Variants in MAP3K2 observed in about 807,000 individuals in gnomAD.
MAP3K2 encodes MAP/ERK kinase kinase 2.
In MAP3K2, 24 loss-of-function variants were observed where a neutral mutation model predicts 80.3. That is an observed-to-expected ratio of 0.30 (90% CI 0.22 to 0.42). The LOEUF is 0.42. Ranked by LOEUF, MAP3K2 falls within the 10% of genes least tolerant of loss-of-function variation. MAP3K2 has a pLI of 1.00. For synonymous variants in MAP3K2, 244 were observed against 253.7 expected, an observed-to-expected ratio of 0.96 and a Z score of 0.36; for missense variants, 608 against 750.1, an observed-to-expected ratio of 0.81 and a Z score of 2.21.
chr2:127,329,829 A>T (rs575079017), intron 7 of MAP3K2, 92 bp downstream of exon 7: 2 of 710,000 alleles, frequency 2.8e-6, no homozygotes, highest in African/African-American at 3.6e-5. Context: ...AATATTATTT[A>T]TCAGGAATAT....
At chr2:127,357,142 G>A (rs1411069884) in intron 1 of MAP3K2, among the ~76,000 whole-genome samples, 1 of 152,156 alleles carries the variant, frequency 6.6e-6, no homozygotes, top group Non-Finnish European at 1.5e-5. Context: ...AGAAAAGAAT[G>A]CTAAGAGAAA....
Position 127,368,822 on chromosome 2 carries a change from G to A in MAP3K2, c.-66+18630C>T, listed in dbSNP as rs1226731532. Among the ~76,000 whole-genome samples, 5 of 151,632 alleles carry A rather than the reference G, an allele frequency of 3.3e-5. No homozygotes were observed. In the East Asian group the frequency reaches 9.7e-4, roughly 29 times the overall value. On this transcript the variant is annotated intron_variant, in intron 1 of 16. Transcript: ENST00000682094. ...GATGAGGTCTTGTGATGTTGCCCAGGTTGGCCTCGACCTCTTGGGCTTAAA... is the reference window on the plus strand; with the variant it reads ...GATGAGGTCTTGTGATGTTGCCCAGATTGGCCTCGACCTCTTGGGCTTAAA...
At position 127,321,033 on chromosome 2, in the gene MAP3K2, T is replaced by C. The variant is rs531012456; in HGVS notation, c.1045+1013A>G. On this transcript the variant is annotated intron_variant, in intron 12 of 16. Coordinates refer to ENST00000682094, the MANE Select transcript of MAP3K2 (RefSeq NM_001371910.2). This position sits in a 1 kb window ranked among gnomAD's most constrained non-coding sequence, Gnocchi z 4.4. ...TACTTGGGAGTTTGAAGTGGGAGGATTGCTTGAGCCCAGAAGGCAGAGGTT... is the reference window on the plus strand; with the variant it reads ...TACTTGGGAGTTTGAAGTGGGAGGACTGCTTGAGCCCAGAAGGCAGAGGTT... Among the ~76,000 whole-genome samples, 12 of 152,246 alleles carry C rather than the reference T, an allele frequency of 7.9e-5. No homozygotes were observed. The highest frequency in any genetic ancestry group is 1.3e-4 in the Admixed American group (2 of 15,296).
intron 1 of MAP3K2, among the ~76,000 whole-genome samples, chr2:127,350,934 G>C (rs752739463): frequency 6.6e-6 from 1 of 152,002 alleles, no homozygotes; most frequent in Non-Finnish European, 1.5e-5. Flanking sequence ...ACACTGAGAA[G>C]AATACCACAT....
chr2:127,334,202 A>C (rs902910215), intron 5 of MAP3K2, among the ~76,000 whole-genome samples: 34 of 152,186 alleles, frequency 2.2e-4, no homozygotes, highest in African/African-American at 4.6e-4. Flanking sequence ...TAAAAAAAAA[A>C]CCAGCAATTC....
At chr2:127,381,903 TAAACAATGCTATGACGGGGGGAGGGGG>T (rs60362188) in intron 1 of MAP3K2, among the ~76,000 whole-genome samples, 57,234 of 145,290 alleles carry the variant, frequency 0.39, 11,498 homozygotes, top group East Asian at 0.63. Flanking sequence ...AGGAACAAGC[TAAACAATGCTATGACGGGGGGAGGGGG>T]GTGGAATCTG....
chr2:127,317,709 C>A lies in MAP3K2; in HGVS notation c.1246G>T (p.Glu416Ter). Reference protein sequence around the residue: ...EIQLLKNLLHERIVQYYGCLR... With the variant: ...EIQLLKNLLH ...CAGCCATAATACTGAACAATTCGCT[C>A]ATGTAGCAAGTTTTTCAGCAACTGA... is the stretch of plus-strand genomic sequence containing the variant. Residue 416 changes from glutamate (E) to a stop codon, truncating the protein, a stop_gained, in exon 14 of 17, where the codon GAG (glutamate) becomes TAG (stop). Coordinates refer to ENST00000682094, the MANE Select transcript of MAP3K2 (RefSeq NM_001371910.2). LOFTEE classifies it high-confidence loss of function. 1 of 1,600,350 alleles carries A rather than the reference C, an allele frequency of 6.2e-7. No homozygotes were observed. The highest frequency in any genetic ancestry group is 8.5e-7 in the Non-Finnish European group (1 of 1,172,588).
chr2:127,312,591 G>A (rs1028096497), intron 15 of MAP3K2, among the ~76,000 whole-genome samples: 2 of 152,066 alleles, frequency 1.3e-5, no homozygotes, highest in South Asian at 2.1e-4. Context: ...AGCTCAAGAG[G>A]TTGAGGCTTC....
intron 15 of MAP3K2, 44 bp downstream of exon 15, chr2:127,314,710 A>G (rs1308276529): frequency 1.4e-5 from 20 of 1,453,514 alleles, no homozygotes; most frequent in Non-Finnish European, 1.9e-5. Flanking sequence ...ATTCACATTC[A>G]CTAAGAACTG....
intron 1 of MAP3K2, among the ~76,000 whole-genome samples, chr2:127,386,172 T>C (rs1687343777): frequency 6.6e-6 from 1 of 152,242 alleles, no homozygotes; most frequent in South Asian, 2.1e-4. Flanking sequence ...TGTTAAACAT[T>C]TGCAATTATG....
At position 127,387,797 on chromosome 2, in the gene MAP3K2, G is replaced by A. The variant is rs944205000; in HGVS notation, c.-411C>T. Reference sequence around the variant, plus strand: ...CCGCGGGCCCGCGTCGCTAGAGACCGGAGAAGAGGCGGGAGTGGCGACTCT... The same window carrying A: ...CCGCGGGCCCGCGTCGCTAGAGACCAGAGAAGAGGCGGGAGTGGCGACTCT... On this transcript the variant is annotated 5_prime_UTR_variant, in exon 1 of 17. Transcript: ENST00000682094. The A allele has an allele frequency of 2.9e-5, 29 of 985,062 alleles. No individual in the cohort carries two copies. In the African/African-American group the frequency reaches 4.7e-4, roughly 16 times the overall value. 61.0% of individuals were successfully genotyped at this position (985,062 alleles called of 1,614,324 possible). A position where few individuals can be genotyped will look rare whatever the true frequency, so the allele number is the denominator to read the frequency against.
intron 1 of MAP3K2, among the ~76,000 whole-genome samples, chr2:127,375,406 A>ATTTTTTT (rs200517629): frequency 2.9e-5 from 4 of 140,320 alleles, no homozygotes; most frequent in South Asian, 2.5e-4. Flanking sequence ...ATTATTATTT[A>ATTTTTTT]TTTATTTATT....
chr2:127,323,681 T>C (rs1015694302), intron 11 of MAP3K2, among the ~76,000 whole-genome samples: 3 of 152,222 alleles, frequency 2.0e-5, no homozygotes, highest in African/African-American at 7.2e-5. Flanking sequence ...CAACAAAACC[T>C]TGTCTCTTAA....
In MAP3K2 at chr2:127,364,503, C is replaced by T. The variant is rs1188121661; in HGVS notation, c.-65-21309G>A. 1.3e-5 allele frequency among the ~76,000 whole-genome samples: 2 copies of T among 152,268 alleles called. No homozygotes were observed. Among genetic ancestry groups the T allele is most frequent in the East Asian group, 1.9e-4 (1 of 5,170 alleles). The stretch of plus-strand genomic sequence containing the variant: ...ATAAACGATAATGGAAAAGAATTAT[C>T]GTCTGTGGACTGTCAGACGATGTGC... On this transcript the variant is annotated intron_variant, in intron 1 of 16. Transcript: ENST00000682094. The surrounding 1 kb of genome is among the most constrained non-coding windows in gnomAD (Gnocchi z 4.1).
intron 1 of MAP3K2, among the ~76,000 whole-genome samples, chr2:127,363,555 G>A (rs1002997015): frequency 5.3e-5 from 8 of 152,054 alleles, no homozygotes; most frequent in Non-Finnish European, 7.4e-5. Context: ...AAGTCAACAC[G>A]TTGCCTGAAC....
chr2:127,329,701 CCT>C lies in MAP3K2; in HGVS notation c.466+218_466+219del, dbSNP rs1472168938. Among the ~76,000 whole-genome samples the C allele has an allele frequency of 3.9e-5, 6 of 152,098 alleles. No individual in the cohort carries two copies. The East Asian group carries it at 1.2e-3, about 29-fold the overall frequency. ...TTTGAATTTGTTAACATTAAAATACCCTGAGTATATAAATAAAGAATTTAAAT... is the reference window on the plus strand; with the variant it reads ...TTTGAATTTGTTAACATTAAAATACCGAGTATATAAATAAAGAATTTAAAT... On this transcript the variant is annotated intron_variant, in intron 7 of 16. Transcript: ENST00000682094.
At chr2:127,327,598 CCTT>C (rs1367911053) in intron 7 of MAP3K2, among the ~76,000 whole-genome samples, 4 of 151,920 alleles carry the variant, frequency 2.6e-5, no homozygotes, top group Non-Finnish European at 5.9e-5. Flanking sequence ...AATTTTGTCT[CCTT>C]ATTTGACAAC....
chr2:127,343,827 G>T (rs1207446081), intron 1 of MAP3K2, among the ~76,000 whole-genome samples: 1 of 152,084 alleles, frequency 6.6e-6, no homozygotes, highest in Non-Finnish European at 1.5e-5. Flanking sequence ...AGACCAGCCT[G>T]TCCAACACGG....
Position 127,335,927 on chromosome 2 carries a change from T to G in MAP3K2, c.207A>C (p.Arg69Ser), listed in dbSNP as rs200351525. The change falls in exon 5 of 17, where the codon AGA becomes AGC. Residue 69 changes from arginine (R) to serine (S), a missense_variant. Arg to Ser is a moderately radical substitution (Grantham distance 110). This residue lies in a region of MAP3K2 where 467 missense variants were observed against 521.9 expected (regional missense o/e 0.89). Coordinates refer to ENST00000682094, the MANE Select transcript of MAP3K2 (RefSeq NM_001371910.2). ...FPRPVKLEDLRSKAKIAFGQS... is the reference protein window; with the variant it reads ...FPRPVKLEDLSSKAKIAFGQS... ...GTCCAAAGGCAATTTTAGCTTTAGATCTCAGATCTTCCAGTTTAACTGGTC... is the reference window on the plus strand; with the variant it reads ...GTCCAAAGGCAATTTTAGCTTTAGAGCTCAGATCTTCCAGTTTAACTGGTC... The G allele has an allele frequency of 5.8e-4, 917 of 1,574,502 alleles. 6 individuals carry two copies. The African/African-American group carries it at 0.01, about 18-fold the overall frequency.
Sources: gnomAD v4.1 joint callset for allele counts (sites outside exome capture counted in the v4.1 genomes callset) on GRCh38, gnomAD v4.1.1 for gene constraint, gnomAD v4.1.1 regional missense constraint, Gnocchi (gnomAD v3.1) non-coding constraint, MANE v1.5 for transcripts, NCBI Gene and HGNC (gene_info 2026-07-23, HGNC 2026-07-21) for gene names.